PIP5K1B: variants seen among roughly 807,000 people sequenced by gnomAD.
PIP5K1B encodes the protein phosphatidylinositol-4-phosphate 5-kinase type 1 beta, also known as phosphatidylinositol 4-phosphate 5-kinase type-1 beta.
PIP5K1B carries 42 observed loss-of-function variants against 67.0 expected under a neutral mutation model. The observed-to-expected ratio is 0.63, with a 90% confidence interval of 0.49 to 0.81. The LOEUF (loss-of-function observed/expected upper bound fraction) is 0.81. PIP5K1B is among the 30% of genes least tolerant of loss of function. The pLI is 0.00. For synonymous variants in PIP5K1B, 214 were observed against 231.4 expected, an observed-to-expected ratio of 0.92 and a Z score of 0.68; for missense variants, 459 against 646.3, an observed-to-expected ratio of 0.71 and a Z score of 3.14.
chr9:68,956,084 C>T (rs73647041), intron 14 of PIP5K1B, among the ~76,000 whole-genome samples: 7,200 of 152,240 alleles, frequency 0.047, 220 homozygotes, highest in African/African-American at 0.081. Context: ...TAACTTGACC[C>T]ATAAGATGAA....
chr9:68,897,094 G>A (rs1366458161), intron 8 of PIP5K1B, among the ~76,000 whole-genome samples: 1 of 152,152 alleles, frequency 6.6e-6, no homozygotes, highest in Non-Finnish European at 1.5e-5. Flanking sequence ...CTCAGTGCTG[G>A]CTGAGGGGCT....
At chr9:68,979,684 T>A (rs1189676914) in intron 14 of PIP5K1B, among the ~76,000 whole-genome samples, 1 of 152,146 alleles carries the variant, frequency 6.6e-6, no homozygotes. Flanking sequence ...GGAAACACAC[T>A]GTTTGAGTCT....
At chr9:68,789,984 G>C (rs556185910) in intron 2 of PIP5K1B, among the ~76,000 whole-genome samples, 1 of 152,064 alleles carries the variant, frequency 6.6e-6, no homozygotes, top group Non-Finnish European at 1.5e-5. Context: ...TATATAAACA[G>C]AGCTATGTTT....
chr9:68,848,765 A>G (rs997068375), intron 4 of PIP5K1B, among the ~76,000 whole-genome samples: 8 of 152,234 alleles, frequency 5.3e-5, no homozygotes, highest in African/African-American at 1.2e-4. Flanking sequence ...CATGGGGACT[A>G]TTTTACAAAT....
At chr9:68,960,163 A>G (rs1828638487) in intron 14 of PIP5K1B, among the ~76,000 whole-genome samples, 2 of 152,232 alleles carry the variant, frequency 1.3e-5, no homozygotes, top group South Asian at 4.1e-4. Flanking sequence ...ATAGTTTAGC[A>G]AAGTATAGAA....
At chr9:68,801,358 T>A (rs1468219045) in intron 2 of PIP5K1B, among the ~76,000 whole-genome samples, 6 of 152,044 alleles carry the variant, frequency 3.9e-5, no homozygotes, top group Non-Finnish European at 4.4e-5. Flanking sequence ...ATCACAACAA[T>A]GCTAAATACT....
chr9:68,873,782 C>A (rs1323560642), intron 5 of PIP5K1B, among the ~76,000 whole-genome samples: 1 of 152,148 alleles, frequency 6.6e-6, no homozygotes, highest in Non-Finnish European at 1.5e-5. Context: ...AGGTTCTGTA[C>A]TGGGCCTCGT....
At chr9:68,749,428 A>C (rs1829504966) in intron 2 of PIP5K1B, among the ~76,000 whole-genome samples, 1 of 152,132 alleles carries the variant, frequency 6.6e-6, no homozygotes, top group South Asian at 2.1e-4. Flanking sequence ...CCCTGCCAGC[A>C]CCTCAGTTTC....
intron 14 of PIP5K1B, among the ~76,000 whole-genome samples, chr9:68,969,484 G>T (rs571674710): frequency 6.6e-6 from 1 of 151,614 alleles, no homozygotes; most frequent in African/African-American, 2.4e-5. Context: ...TCATTTGATC[G>T]CAGGCACAGT....
intron 1 of PIP5K1B, among the ~76,000 whole-genome samples, chr9:68,723,491 C>G (rs1476732207): frequency 2.0e-5 from 3 of 151,884 alleles, no homozygotes; most frequent in African/African-American, 7.3e-5. Context: ...TCTACATCCT[C>G]TCCAGCATTT....
intron 13 of PIP5K1B, among the ~76,000 whole-genome samples, chr9:68,939,173 A>G (rs1329797937): frequency 6.6e-6 from 1 of 152,194 alleles, no homozygotes; most frequent in Non-Finnish European, 1.5e-5. Context: ...AAAAAAGCAT[A>G]TGGGAGCATG....
chr9:68,723,179 TGAGAGAGAGAGAGAGAGAGG>T (rs988517915), intron 1 of PIP5K1B, among the ~76,000 whole-genome samples: 13 of 116,848 alleles, frequency 1.1e-4, no homozygotes, highest in Admixed American at 2.7e-4. Context: ...TGTGTGTGTG[TGAGAGAGAGAGAGAGAGAGG>T]GAGAGAGAGA....
chr9:68,976,108 A>G (rs1292525412), intron 14 of PIP5K1B, among the ~76,000 whole-genome samples: 2 of 152,224 alleles, frequency 1.3e-5, no homozygotes, highest in Non-Finnish European at 2.9e-5. Context: ...AGCAGCAAGT[A>G]TAGAGATTGC....
At chr9:68,870,960 C>T (rs1000400281) in intron 5 of PIP5K1B, among the ~76,000 whole-genome samples, 1 of 152,204 alleles carries the variant, frequency 6.6e-6, no homozygotes, top group Non-Finnish European at 1.5e-5. Context: ...TGAGTCTCAG[C>T]TCCAAAACTG....
intron 12 of PIP5K1B, among the ~76,000 whole-genome samples, chr9:68,924,334 G>A (rs142056555): frequency 8.7e-5 from 13 of 149,198 alleles, no homozygotes; most frequent in Middle Eastern, 3.4e-3. Flanking sequence ...CCCAGGAGGC[G>A]GAGGTTGCAG....
chr9:68,749,427 C>A (rs1195807585), intron 2 of PIP5K1B, among the ~76,000 whole-genome samples: 1 of 152,184 alleles, frequency 6.6e-6, no homozygotes, highest in Non-Finnish European at 1.5e-5. Flanking sequence ...ACCCTGCCAG[C>A]ACCTCAGTTT....
At chr9:68,712,764 C>T (rs1459290390) in intron 1 of PIP5K1B, among the ~76,000 whole-genome samples, 1 of 152,226 alleles carries the variant, frequency 6.6e-6, no homozygotes, top group Non-Finnish European at 1.5e-5. Flanking sequence ...TAAGAAAACA[C>T]TGTCTCTATT....
chr9:68,956,317 A>G (rs1180785250), intron 14 of PIP5K1B, among the ~76,000 whole-genome samples: 2 of 152,162 alleles, frequency 1.3e-5, no homozygotes, highest in Non-Finnish European at 2.9e-5. Context: ...GAAAAATACA[A>G]AAATTGGCTG....
chr9:68,893,455 T>G (rs879620304), intron 7 of PIP5K1B, among the ~76,000 whole-genome samples: 4 of 148,946 alleles, frequency 2.7e-5, no homozygotes, highest in African/African-American at 4.9e-5. Context: ...TGCCTCAGCC[T>G]CCCGAGTAGC....
Sources: allele counts gnomAD v4.1 joint callset (sites outside exome capture counted in the v4.1 genomes callset), GRCh38; gene constraint gnomAD v4.1.1; transcripts MANE v1.5; gene names NCBI Gene and HGNC (gene_info 2026-07-23, HGNC 2026-07-21).